CENATAC: variants seen among roughly 807,000 people sequenced by gnomAD.
CENATAC encodes the protein coiled-coil domain containing 84.
Under a neutral mutation model 53.7 loss-of-function variants are expected in CENATAC, and 53 were observed. That is an observed-to-expected ratio of 0.99 (90% CI 0.79 to 1.24). The LOEUF (loss-of-function observed/expected upper bound fraction) is 1.24, where lower values mean the gene tolerates loss of function less well. Ranked by LOEUF, CENATAC falls within the 50% of genes most tolerant of loss-of-function variation. The pLI is 0.00. For missense variants in CENATAC, 474 were observed against 417.8 expected (o/e 1.13, Z -1.17); for synonymous variants, 156 against 144.6 (o/e 1.08, Z -0.57).
intron 3 of CENATAC, among the ~76,000 whole-genome samples, chr11:119,000,971 C>A (rs557704631): frequency 6.6e-6 from 1 of 152,184 alleles, no homozygotes; most frequent in East Asian, 1.9e-4. Context: ...AGCTGTAGAT[C>A]CTAATCTACA....
At chr11:119,013,536 T>C (rs1206705331) in intron 8 of CENATAC, among the ~76,000 whole-genome samples, 2 of 149,508 alleles carry the variant, frequency 1.3e-5, no homozygotes, top group African/African-American at 4.9e-5. Context: ...GGATCTCGGC[T>C]CACTGCAAGC....
chr11:119,013,373 G>T, intron 8 of CENATAC, 111 bp downstream of exon 8: 1 of 732,134 alleles, frequency 1.4e-6, no homozygotes, highest in Middle Eastern at 4.1e-4. Flanking sequence ...TCAGCTCGCT[G>T]CAACCTCTGC....
At chr11:119,000,187 A>G (rs898910285) in intron 3 of CENATAC, among the ~76,000 whole-genome samples, 1 of 152,230 alleles carries the variant, frequency 6.6e-6, no homozygotes, top group Non-Finnish European at 1.5e-5. Context: ...TTCTAAAATT[A>G]TCAAACCATC....
At chr11:119,005,561 C>G (rs907385473) in intron 3 of CENATAC, among the ~76,000 whole-genome samples, 3 of 151,862 alleles carry the variant, frequency 2.0e-5, no homozygotes, top group African/African-American at 7.3e-5. Flanking sequence ...CCTCCCACCT[C>G]AGCCTCCCAA....
chr11:119,006,438 T>G (rs1471093840), intron 3 of CENATAC, among the ~76,000 whole-genome samples: 2 of 152,016 alleles, frequency 1.3e-5, no homozygotes, highest in Non-Finnish European at 2.9e-5. Flanking sequence ...GGGTTTCACC[T>G]TGTTAGCCAG....
chr11:119,011,851 G>A, intron 5 of CENATAC, 88 bp from the exon 6 acceptor site: 1 of 1,135,342 alleles, frequency 8.8e-7, no homozygotes, highest in Non-Finnish European at 1.3e-6. Flanking sequence ...TTTCCTTCCT[G>A]TGATACTGGG....
chr11:118,998,662 G>T, intron 2 of CENATAC, 69 bp downstream of exon 2: 1 of 1,494,130 alleles, frequency 6.7e-7, no homozygotes. Context: ...TTTGGGGTGG[G>T]TGAGAAAAAG....
intron 8 of CENATAC, 169 bp from the exon 9 acceptor site, chr11:119,014,825 G>GTA: frequency 2.0e-6 from 1 of 508,012 alleles, no homozygotes; most frequent in Non-Finnish European, 3.5e-6. Context: ...CACATATGGG[G>GTA]TATGTCGCTT....
intron 3 of CENATAC, among the ~76,000 whole-genome samples, chr11:119,001,142 A>G (rs565274196): frequency 2.6e-5 from 4 of 152,262 alleles, no homozygotes; most frequent in Admixed American, 6.5e-5. Context: ...ACCATGAGTG[A>G]TCACTTTTAC....
At chr11:119,004,981 G>C (rs1942508082) in intron 3 of CENATAC, 1 of 151,354 alleles carries the variant, frequency 6.6e-6, no homozygotes, top group Non-Finnish European at 1.5e-5. Context: ...GATTGCTTAA[G>C]CTCACAAGGT....
rs1274024284 is a variant in CENATAC, at chr11:118,998,448, G to T, written c.139G>T (p.Ala47Ser). 2.5e-6 allele frequency: 4 copies of T among 1,612,324 alleles called. No individual in the cohort carries two copies. Among genetic ancestry groups the T allele is most frequent in the Non-Finnish European group, 2.5e-6 (3 of 1,179,792 alleles). ...GCGGCAGGTGGAGGCGGCCCGCAAG[G>T]CCATCCGCGCCGCTCAGGTGGAGCG... ...LLPQVEAARK[A>S]IRAAQVERYV... The change falls in exon 2 of 11, where the codon GCC (alanine) becomes TCC (serine). Residue 47 changes from alanine to serine, a missense_variant. Physicochemically the swap from Ala to Ser is moderately conservative, Grantham distance 99 (BLOSUM62 1). Transcript: ENST00000334418.
At chr11:119,001,340 C>T (rs548775586) in intron 3 of CENATAC, among the ~76,000 whole-genome samples, 10 of 152,064 alleles carry the variant, frequency 6.6e-5, no homozygotes, top group African/African-American at 2.2e-4. Context: ...TTCTCTTGAC[C>T]GCGAATGTCA....
rs781860759 is a variant in CENATAC, at chr11:119,014,981, AT to A, written c.716-4del. 156 of 1,473,570 alleles carry A rather than the reference AT, an allele frequency of 1.1e-4. 1 individual carries two copies. Among genetic ancestry groups the A allele is most frequent in the South Asian group, 5.6e-4 (43 of 76,724 alleles). 91.3% of individuals were successfully genotyped at this position (1,473,570 alleles called of 1,614,324 possible). ...CTTAAAAAAAAAAAAAAAAGCCTTA[AT>A]TTTTTTTTCAGGTGCCACACCTCCC... is the stretch of plus-strand genomic sequence containing the variant. On this transcript the variant is annotated splice_polypyrimidine_tract_variant and intron_variant, in intron 8 of 10. Coordinates refer to ENST00000334418, the MANE Select transcript of CENATAC (RefSeq NM_198489.3).
rs782285037 is a variant in CENATAC, at chr11:119,012,156, G to A, written c.586G>A (p.Ala196Thr). Reference protein sequence around the residue: ...RSWKGMNSQVASSLQQPSNLD... With the variant: ...RSWKGMNSQVTSSLQQPSNLD... ...CTGGCTCATGTTTTTCAGCCAAGTA[G>A]CTTCCAGCTTACAGCAGCCCTCAAA... Residue 196 changes from alanine (A) to threonine (T), a missense_variant, in exon 7 of 11, where the codon GCT becomes ACT. Transcript: ENST00000334418. The A allele has an allele frequency of 6.2e-7, 1 of 1,614,200 alleles. No homozygotes were observed. The highest frequency in any genetic ancestry group is 1.1e-5 in the South Asian group (1 of 91,088).
intron 3 of CENATAC, among the ~76,000 whole-genome samples, chr11:119,000,001 T>C (rs1424827646): frequency 6.6e-6 from 1 of 152,230 alleles, no homozygotes; most frequent in Non-Finnish European, 1.5e-5. Context: ...GGTCACTAAC[T>C]CCTGACTTGA....
Position 119,015,034 on chromosome 11 carries a change from T to C in CENATAC, c.756T>C (p.Ile252=). The part of the protein sequence containing the change: ...PPWMIQDEEY[I]AGNQEIGPSY... ...GGATGATCCAAGATGAAGAATACAT[T>C]GCTGGGAACCAAGAAATAGGACCAT... Residue 252 remains isoleucine, a synonymous_variant, in exon 9 of 11, where the codon ATT becomes ATC. Coordinates refer to ENST00000334418, the MANE Select transcript of CENATAC (RefSeq NM_198489.3). The C allele has an allele frequency of 6.2e-7, 1 of 1,612,792 alleles. No individual in the cohort carries two copies. Among genetic ancestry groups the C allele is most frequent in the Non-Finnish European group, 8.5e-7 (1 of 1,179,566 alleles).
intron 9 of CENATAC, 59 bp downstream of exon 9, chr11:119,015,142 T>C: frequency 6.6e-7 from 1 of 1,516,616 alleles, no homozygotes; most frequent in Non-Finnish European, 9.1e-7. Context: ...AATGGTTTCC[T>C]TGCCTGTGTG....
intron 3 of CENATAC, 74 bp from the exon 4 acceptor site, chr11:119,010,690 A>T (rs1352833575): frequency 7.6e-7 from 1 of 1,308,944 alleles, no homozygotes; most frequent in Non-Finnish European, 1.1e-6. Flanking sequence ...AATTAAAAAA[A>T]TATCTACTGA....
chr11:119,001,175 A>G (rs1347717821), intron 3 of CENATAC, among the ~76,000 whole-genome samples: 2 of 152,128 alleles, frequency 1.3e-5, no homozygotes, highest in Non-Finnish European at 2.9e-5. Context: ...TTTACTGGTG[A>G]GACAACTGCT....
Sources: gnomAD v4.1 joint callset for allele counts (sites outside exome capture counted in the v4.1 genomes callset) on GRCh38, gnomAD v4.1.1 for gene constraint, MANE v1.5 for transcripts, NCBI Gene and HGNC (gene_info 2026-07-23, HGNC 2026-07-21) for gene names.